Variants in PKHD1 observed in about 807,000 individuals in gnomAD.
PKHD1 encodes PKHD1 ciliary IPT domain containing fibrocystin/polyductin.
A neutral mutation model predicts 412.0 loss-of-function variants in PKHD1; 291 were observed. The observed-to-expected ratio is 0.71, with a 90% CI of 0.64 to 0.78. PKHD1 has a LOEUF of 0.78. Ranked by LOEUF, PKHD1 falls within the 30% of genes least tolerant of loss-of-function variation. PKHD1 has a pLI of 0.00. For missense variants in PKHD1, 4,825 were observed against 4,950.7 expected (o/e 0.97, Z 0.76); for synonymous variants, 1,777 against 1,821.5 (o/e 0.98, Z 0.62).
intron 33 of PKHD1, among the ~76,000 whole-genome samples, chr6:52,018,304 A>C (rs1800854188): frequency 1.3e-5 from 2 of 152,298 alleles, no homozygotes; most frequent in South Asian, 2.1e-4. Flanking sequence ...AGTAGGTACA[A>C]GTTCAGCTTT....
At chr6:51,952,867 T>C (rs1790560561) in intron 36 of PKHD1, among the ~76,000 whole-genome samples, 1 of 152,122 alleles carries the variant, frequency 6.6e-6, no homozygotes, top group South Asian at 2.1e-4. Flanking sequence ...AATTTACTCA[T>C]TCCTATACTG....
intron 34 of PKHD1, among the ~76,000 whole-genome samples, chr6:52,010,827 T>C (rs1046221093): frequency 6.6e-6 from 1 of 152,198 alleles, no homozygotes; most frequent in African/African-American, 2.4e-5. Flanking sequence ...TTTTATTTTT[T>C]TTCTTTTCCC....
chr6:51,827,927 G>C (rs537111604), intron 52 of PKHD1, among the ~76,000 whole-genome samples: 3 of 152,152 alleles, frequency 2.0e-5, no homozygotes, highest in Admixed American at 1.3e-4. Context: ...GCATTAGAAT[G>C]GTTCTAATGC....
chr6:52,046,233 T>C, intron 23 of PKHD1, 45 bp from the exon 24 acceptor site: 1 of 1,399,514 alleles, frequency 7.1e-7, no homozygotes, highest in Non-Finnish European at 1.0e-6. Flanking sequence ...CACTAATTAA[T>C]CCACCTTACA....
chr6:52,082,475 G>A lies in PKHD1; in HGVS notation c.198C>T (p.Asn66=). 6.2e-7 allele frequency: 1 copy of A among 1,614,018 alleles called. No homozygotes were observed. The highest frequency in any genetic ancestry group is 8.5e-7 in the Non-Finnish European group (1 of 1,179,908). Residue 66 remains asparagine (N), a synonymous_variant, in exon 4 of 67, where the codon AAC becomes AAT. Transcript: ENST00000371117. ...SQLEIHLVNV[N]MVVPALRSVP... is the part of the protein sequence containing the mutation. ...CACTCCGCAGTGCGGGCACCACCAT[G>A]TTCACGTTCACCAGGTGTATCTCCA...
At chr6:51,901,013 AAAC>A (rs1781177560) in intron 43 of PKHD1, among the ~76,000 whole-genome samples, 1 of 152,002 alleles carries the variant, frequency 6.6e-6, no homozygotes, top group Non-Finnish European at 1.5e-5. Flanking sequence ...AAAAGTCAGG[AAAC>A]AACAGGTGCT....
chr6:52,076,636 T>TA (rs1811367585), intron 5 of PKHD1, among the ~76,000 whole-genome samples: 2 of 152,214 alleles, frequency 1.3e-5, no homozygotes, highest in South Asian at 4.1e-4. Context: ...CCACCTTCCA[T>TA]ACCCAAGAAC....
At chr6:51,650,439 GGTA>G (rs1334160498) in intron 61 of PKHD1, among the ~76,000 whole-genome samples, 1 of 148,016 alleles carries the variant, frequency 6.8e-6, no homozygotes, top group Non-Finnish European at 1.5e-5. Flanking sequence ...GGTCTCATGA[GGTA>G]TTTATTTATT....
intron 34 of PKHD1, among the ~76,000 whole-genome samples, chr6:52,014,105 T>C (rs544588725): frequency 1.1e-4 from 16 of 152,328 alleles, no homozygotes; most frequent in African/African-American, 3.8e-4. Context: ...TTCAATGCCT[T>C]ACATATCTCT....
At chr6:51,998,848 C>G (rs779621232) in intron 35 of PKHD1, among the ~76,000 whole-genome samples, 1 of 152,106 alleles carries the variant, frequency 6.6e-6, no homozygotes, top group Non-Finnish European at 1.5e-5. Context: ...CATCTGCACA[C>G]TTTTCTGCTG....
intron 52 of PKHD1, among the ~76,000 whole-genome samples, chr6:51,792,062 T>C (rs1284668321): frequency 6.6e-6 from 1 of 152,222 alleles, no homozygotes; most frequent in Non-Finnish European, 1.5e-5. Context: ...CTTCCCATGC[T>C]TATAGTGCTT....
chr6:51,926,852 G>A (rs1424105878), intron 37 of PKHD1, among the ~76,000 whole-genome samples: 1 of 152,148 alleles, frequency 6.6e-6, no homozygotes, highest in African/African-American at 2.4e-5. Context: ...TGTTGGTGGT[G>A]TTGGTTATAT....
intron 60 of PKHD1, among the ~76,000 whole-genome samples, chr6:51,660,608 C>T (rs78683147): frequency 0.046 from 6,967 of 152,186 alleles, 218 homozygotes; most frequent in African/African-American, 0.074. Context: ...TCAATTAACT[C>T]GCTAGAGAGG....
intron 55 of PKHD1, among the ~76,000 whole-genome samples, chr6:51,769,444 G>C (rs950248652): frequency 6.6e-6 from 1 of 150,906 alleles, no homozygotes; most frequent in Non-Finnish European, 1.5e-5. Context: ...GCACTATATA[G>C]ATTTATATTT....
intron 43 of PKHD1, among the ~76,000 whole-genome samples, chr6:51,895,628 G>A (rs1408621342): frequency 6.6e-6 from 1 of 152,128 alleles, no homozygotes; most frequent in Non-Finnish European, 1.5e-5. Context: ...AAAGGCTAAT[G>A]AAAATAGAAT....
intron 52 of PKHD1, among the ~76,000 whole-genome samples, chr6:51,815,181 C>T (rs1765252788): frequency 6.6e-6 from 1 of 152,218 alleles, no homozygotes; most frequent in African/African-American, 2.4e-5. Context: ...CTCACTCTTT[C>T]ATTTATTTAC....
chr6:52,065,025 C>T lies in PKHD1; in HGVS notation c.906G>A (p.Val302=), dbSNP rs757994330. Residue 302 remains valine (V), a synonymous_variant, in exon 13 of 67, where the codon GTG becomes GTA. Coordinates refer to ENST00000371117, the MANE Select transcript of PKHD1 (RefSeq NM_138694.4). ...TGGTGCACTCAATCTTCCTGGGAGA[C>T]ACGTGTCTAATATCACATGGAATGC... ...IAGIPCDIRH[V]SPRKIECTTR... The T allele has an allele frequency of 1.9e-6, 3 of 1,596,912 alleles. No individual in the cohort carries two copies. Among genetic ancestry groups the T allele is most frequent in the Middle Eastern group, 1.7e-4 (1 of 5,970 alleles).
chr6:51,767,374 A>T (rs930894749), intron 55 of PKHD1, among the ~76,000 whole-genome samples: 1 of 151,934 alleles, frequency 6.6e-6, no homozygotes, highest in Non-Finnish European at 1.5e-5. Flanking sequence ...TTTAGGGTAC[A>T]TGTGCACAAC....
intron 52 of PKHD1, among the ~76,000 whole-genome samples, chr6:51,819,364 C>T (rs570589240): frequency 6.6e-6 from 1 of 152,272 alleles, no homozygotes; most frequent in Admixed American, 6.5e-5. Context: ...GTGATGCTTA[C>T]AGGGAGCTAG....
Sources: allele counts gnomAD v4.1 joint callset (sites outside exome capture counted in the v4.1 genomes callset), GRCh38; gene constraint gnomAD v4.1.1; transcripts MANE v1.5; gene names NCBI Gene and HGNC (gene_info 2026-07-23, HGNC 2026-07-21).